FSTL4: variants seen among roughly 807,000 people sequenced by gnomAD.
FSTL4 encodes the protein follistatin like 4, also known as follistatin-related protein 4.
A neutral mutation model predicts 78.2 loss-of-function variants in FSTL4; 28 were observed. The ratio of observed to expected loss-of-function variants is 0.36; its 90% CI spans 0.27 to 0.49. The LOEUF (loss-of-function observed/expected upper bound fraction) is 0.49. FSTL4 is among the 20% of genes least tolerant of loss of function. The probability of loss-of-function intolerance (pLI) is 0.98; values close to 1 mark genes in which losing one functional copy is unlikely to be tolerated. For synonymous variants in FSTL4, 422 were observed against 440.5 expected (o/e 0.96, Z 0.53); for missense variants, 922 against 1,084.9 (o/e 0.85, Z 2.11).
At chr5:133,694,032 C>T in the FSTL4 span, among the ~76,000 whole-genome samples, 1 of 152,236 alleles carries the variant, frequency 6.6e-6, no homozygotes, top group African/African-American at 2.4e-5. Context: ...AGGTATTACT[C>T]AATCCAGTCC....
the FSTL4 span, among the ~76,000 whole-genome samples, chr5:133,767,933 C>A: frequency 2.0e-5 from 3 of 152,072 alleles, no homozygotes; most frequent in Admixed American, 1.3e-4. Context: ...CTGAAAACTC[C>A]GGTGGAAAAA....
At chr5:133,327,161 A>G (rs557685796) in intron 4 of FSTL4, among the ~76,000 whole-genome samples, 5 of 152,330 alleles carry the variant, frequency 3.3e-5, no homozygotes, top group South Asian at 2.1e-4. Context: ...AGGAAACTCA[A>G]CGAAGAACCT....
Position 133,560,982 on chromosome 5 carries a change from G to A in FSTL4, c.160+6204C>T, listed in dbSNP as rs867086454. On this transcript the variant is annotated intron_variant, in intron 3 of 15. Coordinates refer to ENST00000265342, the MANE Select transcript of FSTL4 (RefSeq NM_015082.2). ...TGGGCACATGTAGTCCCAGCTACTC[G>A]GGAGGCTGAGGCAGGAGAATGGCGT... 5.9e-5 allele frequency among the ~76,000 whole-genome samples: 9 copies of A among 151,372 alleles called. No homozygotes were observed. In the East Asian group the frequency reaches 1.2e-3, roughly 20 times the overall value.
chr5:133,516,316 T>C (rs1299801828), intron 3 of FSTL4, among the ~76,000 whole-genome samples: 1 of 152,146 alleles, frequency 6.6e-6, no homozygotes, highest in Admixed American at 6.5e-5. Flanking sequence ...TTCACAAAAT[T>C]ACTATTAGAA....
At chr5:133,367,197 C>T (rs1487165061) in intron 4 of FSTL4, among the ~76,000 whole-genome samples, 1 of 152,146 alleles carries the variant, frequency 6.6e-6, no homozygotes, top group Non-Finnish European at 1.5e-5. Flanking sequence ...GAAGAATGGA[C>T]ACCAAGATGT....
At chr5:133,685,807 C>T in the FSTL4 span, among the ~76,000 whole-genome samples, 1 of 152,250 alleles carries the variant, frequency 6.6e-6, no homozygotes, top group Non-Finnish European at 1.5e-5. Context: ...AAATCAGTCC[C>T]AATGCCTCCA....
intron 3 of FSTL4, among the ~76,000 whole-genome samples, chr5:133,512,111 A>C (rs1271756161): frequency 1.3e-5 from 2 of 152,208 alleles, no homozygotes; most frequent in East Asian, 3.9e-4. Context: ...GCAGGCCCAC[A>C]CTGGGCAAGG....
rs980612303 is a variant in FSTL4, at chr5:133,426,421, G to A, written c.161-25435C>T. ...TGGGGGTTCTGGGCAGATGAATAGC[G>A]CTGCCCTGCCCCCTCCGCACTCCCT... On this transcript the variant is annotated intron_variant, in intron 3 of 15. Coordinates refer to ENST00000265342, the MANE Select transcript of FSTL4 (RefSeq NM_015082.2). The surrounding 1 kb of genome is among the most constrained non-coding windows in gnomAD (Gnocchi z 5.0). Among the ~76,000 whole-genome samples the A allele has an allele frequency of 5.3e-5, 8 of 152,110 alleles. No homozygotes were observed. The highest frequency in any genetic ancestry group is 9.7e-5 in the African/African-American group (4 of 41,410).
chr5:133,719,147 A>G, the FSTL4 span, among the ~76,000 whole-genome samples: 1 of 152,196 alleles, frequency 6.6e-6, no homozygotes, highest in Non-Finnish European at 1.5e-5. Context: ...AATTATTCTT[A>G]CTTACAAATC....
chr5:133,455,153 G>A (rs1757461910), intron 3 of FSTL4, among the ~76,000 whole-genome samples: 1 of 152,240 alleles, frequency 6.6e-6, no homozygotes, highest in Admixed American at 6.5e-5. Context: ...TTGAGGAAGA[G>A]TGGAGAGGGA....
the FSTL4 span, among the ~76,000 whole-genome samples, chr5:133,646,857 TTTGTTATCAAAGTC>T: frequency 3.3e-3 from 507 of 152,212 alleles, 6 homozygotes; most frequent in African/African-American, 0.012. Context: ...TCCCTTTACA[TTTGTTATCAAAGTC>T]TTCTGAGTTA....
the FSTL4 span, among the ~76,000 whole-genome samples, chr5:133,831,005 A>G: frequency 1.4e-4 from 21 of 152,082 alleles, no homozygotes; most frequent in African/African-American, 4.8e-4. Context: ...GATGTTCACT[A>G]CCTGTCAGAG....
the FSTL4 span, among the ~76,000 whole-genome samples, chr5:133,655,097 G>A: frequency 2.6e-5 from 4 of 152,080 alleles, no homozygotes; most frequent in Non-Finnish European, 5.9e-5. Context: ...TAGATTCAAT[G>A]TCTTTCCCCT....
upstream of FSTL4, among the ~76,000 whole-genome samples, chr5:133,617,390 G>A: frequency 6.7e-6 from 1 of 149,702 alleles, no homozygotes; most frequent in South Asian, 2.1e-4. Flanking sequence ...TCAGACTCAA[G>A]ACCTGGGGCT....
the FSTL4 span, among the ~76,000 whole-genome samples, chr5:133,653,986 C>T: frequency 2.0e-5 from 3 of 152,210 alleles, no homozygotes; most frequent in Non-Finnish European, 2.9e-5. Flanking sequence ...CTTTCCTCAT[C>T]GGCTTCTGTT....
At position 133,500,847 on chromosome 5, in the gene FSTL4, T is replaced by C. The variant is rs567914422; in HGVS notation, c.160+66339A>G. ...GCACAATTAAATTCTCCAAAGGAAA[T>C]TGCCCAGAAGAGAACAAACTGGACA... is the stretch of plus-strand genomic sequence containing the variant. On this transcript the variant is annotated intron_variant, in intron 3 of 15. Coordinates refer to ENST00000265342, the MANE Select transcript of FSTL4 (RefSeq NM_015082.2). Among the ~76,000 whole-genome samples, 9 of 152,178 alleles carry C rather than the reference T, an allele frequency of 5.9e-5. 1 individual carries two copies. Among genetic ancestry groups the C allele is most frequent in the African/African-American group, 2.2e-4 (9 of 41,496 alleles).
At position 133,316,624 on chromosome 5, in the gene FSTL4, G is replaced by A; in HGVS notation, c.438C>T (p.Ala146=). The A allele has an allele frequency of 6.2e-7, 1 of 1,613,608 alleles. No individual in the cohort carries two copies. Among genetic ancestry groups the A allele is most frequent in the South Asian group, 1.1e-5 (1 of 91,056 alleles). ...GTGCCAGAAGGACATTCTTCAAGCG[G>A]GCGTAGCCGGCCATGGTGCACGTGT... ...KGDTCTMAGY[A]RLKNVLLALQ... is the part of the protein sequence containing the mutation. Residue 146 remains alanine, a synonymous_variant, in exon 5 of 16, where the codon GCC becomes GCT. Coordinates refer to ENST00000265342, the MANE Select transcript of FSTL4 (RefSeq NM_015082.2).
At chr5:133,468,003 C>G (rs1372411504) in intron 3 of FSTL4, among the ~76,000 whole-genome samples, 1 of 152,232 alleles carries the variant, frequency 6.6e-6, no homozygotes, top group Non-Finnish European at 1.5e-5. Context: ...CTGGCAGATT[C>G]ATTCCAGGTT....
chr5:133,352,285 C>CATAT (rs1197672979), intron 4 of FSTL4, among the ~76,000 whole-genome samples: 11 of 107,054 alleles, frequency 1.0e-4, no homozygotes, highest in African/African-American at 4.1e-4. Context: ...TATATACACA[C>CATAT]ATATATATAC....
Sources: allele counts gnomAD v4.1 joint callset (sites outside exome capture counted in the v4.1 genomes callset), GRCh38; gene constraint gnomAD v4.1.1; non-coding constraint Gnocchi (gnomAD v3.1); transcripts MANE v1.5; gene names NCBI Gene and HGNC (gene_info 2026-07-23, HGNC 2026-07-21).